Variants in IL1RAPL1 observed in about 807,000 individuals in gnomAD.
IL1RAPL1 encodes the protein interleukin-1 receptor accessory protein-like 1.
Under a neutral mutation model 48.4 loss-of-function variants are expected in IL1RAPL1, and 3 were observed. That is an observed-to-expected ratio of 0.06 (90% CI 0.03 to 0.16). The LOEUF (loss-of-function observed/expected upper bound fraction) is 0.16. IL1RAPL1 is among the 10% of genes least tolerant of loss of function. The probability of loss-of-function intolerance (pLI) is 1.00; values close to 1 mark genes in which losing one functional copy is unlikely to be tolerated. For synonymous variants in IL1RAPL1, 185 were observed against 187.7 expected, an observed-to-expected ratio of 0.99 and a Z score of 0.12; for missense variants, 349 against 530.6, an observed-to-expected ratio of 0.66 and a Z score of 3.36.
intron 6 of IL1RAPL1, among the ~76,000 whole-genome samples, chrX:29,727,188 T>A (rs1222098109): frequency 8.9e-6 from 1 of 112,329 alleles, no homozygotes; most frequent in Non-Finnish European, 1.9e-5. Context: ...TAAGAATTTA[T>A]CTCTGTTCAC....
chrX:29,907,878 T>G (rs1932672263), intron 6 of IL1RAPL1, among the ~76,000 whole-genome samples: 1 of 111,597 alleles, frequency 9.0e-6, no homozygotes, highest in African/African-American at 3.3e-5. Flanking sequence ...AAATAGGATC[T>G]CTTCTATTTT....
chrX:28,901,073 A>G (rs1361868066), intron 2 of IL1RAPL1, among the ~76,000 whole-genome samples: 1 of 112,110 alleles, frequency 8.9e-6, no homozygotes, highest in Admixed American at 9.5e-5. Context: ...TCTATTGAAT[A>G]TTGGAATTAT....
chrX:29,561,553 G>T (rs951823671), intron 5 of IL1RAPL1, among the ~76,000 whole-genome samples: 1 of 111,767 alleles, frequency 8.9e-6, no homozygotes, highest in Non-Finnish European at 1.9e-5. Flanking sequence ...ATAAAAGTAG[G>T]CCTCTTGGGC....
chrX:29,883,965 C>G (rs1213728022), intron 6 of IL1RAPL1, among the ~76,000 whole-genome samples: 2 of 112,036 alleles, frequency 1.8e-5, no homozygotes, highest in Non-Finnish European at 3.8e-5. Context: ...AACAAGATGG[C>G]TCACAGGGTT....
At chrX:28,970,288 C>A (rs1293672713) in intron 2 of IL1RAPL1, among the ~76,000 whole-genome samples, 6 of 112,572 alleles carry the variant, frequency 5.3e-5, no homozygotes, top group Non-Finnish European at 9.4e-5. Context: ...AGGCGTGAGC[C>A]ACTGCGCCCA....
At chrX:29,672,231 A>T (rs2147101539) in intron 6 of IL1RAPL1, among the ~76,000 whole-genome samples, 1 of 111,938 alleles carries the variant, frequency 8.9e-6, no homozygotes, top group African/African-American at 3.2e-5. Context: ...TCCTAAAAGT[A>T]AAAATACTGG....
intron 2 of IL1RAPL1, among the ~76,000 whole-genome samples, chrX:29,246,098 G>GTAGATACAA (rs77559394): frequency 0.53 from 54,228 of 101,850 alleles, 12,695 homozygotes; most frequent in Non-Finnish European, 0.69. Flanking sequence ...GTGCTTTTGT[G>GTAGATACAA]TAGATACAAG....
chrX:29,289,099 C>T (rs1932332537), intron 3 of IL1RAPL1, among the ~76,000 whole-genome samples: 1 of 111,692 alleles, frequency 9.0e-6, no homozygotes, highest in Non-Finnish European at 1.9e-5. Context: ...AAATTTTCTC[C>T]TATTCCTTAG....
chrX:29,183,406 C>G (rs1226455313), intron 2 of IL1RAPL1, among the ~76,000 whole-genome samples: 1 of 111,444 alleles, frequency 9.0e-6, no homozygotes, highest in Non-Finnish European at 1.9e-5. Flanking sequence ...TTTGTCAAAC[C>G]TAAATCCTGT....
At chrX:29,665,890 C>T (rs917714684) in intron 5 of IL1RAPL1, among the ~76,000 whole-genome samples, 1 of 111,873 alleles carries the variant, frequency 8.9e-6, no homozygotes. Context: ...AGATTGCACA[C>T]ACCTTGAGGG....
intron 1 of IL1RAPL1, among the ~76,000 whole-genome samples, chrX:28,706,781 T>C (rs1448619073): frequency 8.9e-6 from 1 of 111,807 alleles, no homozygotes; most frequent in Non-Finnish European, 1.9e-5. Flanking sequence ...GACACATGAC[T>C]GTACTTTGAT....
At chrX:28,968,785 G>A in intron 2 of IL1RAPL1, among the ~76,000 whole-genome samples, 1 of 112,919 alleles carries the variant, frequency 8.9e-6, no homozygotes. Flanking sequence ...GTGTGCATGT[G>A]TGTGCACATA....
intron 2 of IL1RAPL1, among the ~76,000 whole-genome samples, chrX:29,157,219 G>A (rs1262259696): frequency 9.0e-6 from 1 of 111,396 alleles, no homozygotes; most frequent in African/African-American, 3.3e-5. Flanking sequence ...TAGCTTTGAG[G>A]GAAGATGGGT....
At chrX:29,298,304 G>A (rs1195477681) in intron 3 of IL1RAPL1, among the ~76,000 whole-genome samples, 3 of 111,453 alleles carry the variant, frequency 2.7e-5, no homozygotes, top group Non-Finnish European at 3.8e-5. Context: ...CTTTTATGAA[G>A]AGAAAGAACA....
At chrX:29,710,817 A>T (rs1018137660) in intron 6 of IL1RAPL1, among the ~76,000 whole-genome samples, 4 of 107,480 alleles carry the variant, frequency 3.7e-5, no homozygotes, top group African/African-American at 1.3e-4. Flanking sequence ...TATAAAAGAA[A>T]TTTATGGAAA....
intron 2 of IL1RAPL1, among the ~76,000 whole-genome samples, chrX:28,999,885 G>C (rs1602003864): frequency 1.8e-5 from 2 of 111,595 alleles, no homozygotes; most frequent in South Asian, 7.5e-4. Context: ...ATTCAACAAG[G>C]CCTGTTTTCA....
At chrX:29,822,494 G>A (rs1181594755) in intron 6 of IL1RAPL1, among the ~76,000 whole-genome samples, 1 of 110,145 alleles carries the variant, frequency 9.1e-6, no homozygotes, top group Non-Finnish European at 1.9e-5. Flanking sequence ...TACATAGGCA[G>A]CATTTAGATA....
intron 2 of IL1RAPL1, among the ~76,000 whole-genome samples, chrX:29,212,484 T>C (rs1233440458): frequency 9.0e-6 from 1 of 111,128 alleles, no homozygotes; most frequent in African/African-American, 3.3e-5. Context: ...AATTTTTGTA[T>C]TTTAAGTAGA....
At chrX:28,706,659 C>T (rs1935377591) in intron 1 of IL1RAPL1, among the ~76,000 whole-genome samples, 1 of 111,405 alleles carries the variant, frequency 9.0e-6, no homozygotes, top group Non-Finnish European at 1.9e-5. Context: ...GGTGATCCAC[C>T]CACCTTGGCC....
Sources: gnomAD v4.1 joint callset for allele counts (sites outside exome capture counted in the v4.1 genomes callset) on GRCh38, gnomAD v4.1.1 for gene constraint, MANE v1.5 for transcripts, NCBI Gene and HGNC (gene_info 2026-07-23, HGNC 2026-07-21) for gene names.